Variants in FSTL4 observed in about 807,000 individuals in gnomAD.
FSTL4 encodes follistatin like 4, also known as follistatin-related protein 4.
Under a neutral mutation model 78.2 loss-of-function variants are expected in FSTL4, and 28 were observed. That is an observed-to-expected ratio of 0.36 (90% CI 0.27 to 0.49). The LOEUF is 0.49. Among genes scored for constraint, FSTL4 ranks in the 20% least tolerant of loss-of-function variants. FSTL4 has a pLI of 0.98. For synonymous variants in FSTL4, 422 were observed against 440.5 expected (o/e 0.96, Z 0.53); for missense variants, 922 against 1,084.9 (o/e 0.85, Z 2.11).
At chr5:133,637,698 C>T in the FSTL4 span, among the ~76,000 whole-genome samples, 1 of 152,012 alleles carries the variant, frequency 6.6e-6, no homozygotes, top group Non-Finnish European at 1.5e-5. Context: ...TGAATCTCTT[C>T]TCTGTCTCAC....
chr5:133,358,635 G>A (rs147762055), intron 4 of FSTL4, among the ~76,000 whole-genome samples: 161 of 131,798 alleles, frequency 1.2e-3, no homozygotes, highest in African/African-American at 4.7e-3. Flanking sequence ...TCACTCTGTC[G>A]CCCAGGCTGG....
chr5:133,483,356 C>T (rs1758067330), intron 3 of FSTL4, among the ~76,000 whole-genome samples: 1 of 152,194 alleles, frequency 6.6e-6, no homozygotes, highest in South Asian at 2.1e-4. Context: ...GGGCATGTGA[C>T]AGAAGGCCGG....
chr5:133,593,664 G>A (rs1220342576), intron 2 of FSTL4, among the ~76,000 whole-genome samples: 3 of 152,186 alleles, frequency 2.0e-5, no homozygotes, highest in African/African-American at 4.8e-5. Context: ...GGGACCAGGC[G>A]TGGGGAATCC....
At chr5:133,684,381 A>G in the FSTL4 span, among the ~76,000 whole-genome samples, 3 of 152,270 alleles carry the variant, frequency 2.0e-5, no homozygotes, top group Admixed American at 6.5e-5. Context: ...TATTGGTTGC[A>G]TGCCTCTAGG....
chr5:133,809,334 C>G, the FSTL4 span, among the ~76,000 whole-genome samples: 1 of 144,654 alleles, frequency 6.9e-6, no homozygotes, highest in Non-Finnish European at 1.5e-5. Flanking sequence ...CCACTGCACT[C>G]CAGCCTGGGT....
At chr5:133,362,726 G>C (rs1025350474) in intron 4 of FSTL4, among the ~76,000 whole-genome samples, 5 of 152,366 alleles carry the variant, frequency 3.3e-5, no homozygotes, top group Middle Eastern at 3.4e-3. Flanking sequence ...GCGAGGCTGA[G>C]CACAGGAGGT....
At chr5:133,286,561 C>T (rs2126864241) in intron 6 of FSTL4, among the ~76,000 whole-genome samples, 1 of 152,268 alleles carries the variant, frequency 6.6e-6, no homozygotes, top group Non-Finnish European at 1.5e-5. Flanking sequence ...CTTAAAAAGT[C>T]AACTCATGAC....
chr5:133,314,634 G>A (rs1264689729), intron 5 of FSTL4, among the ~76,000 whole-genome samples: 1 of 151,982 alleles, frequency 6.6e-6, no homozygotes, highest in East Asian at 1.9e-4. Flanking sequence ...GAGAGCAGGT[G>A]CATGCAAGTC....
chr5:133,636,138 G>A, the FSTL4 span, among the ~76,000 whole-genome samples: 24 of 152,264 alleles, frequency 1.6e-4, no homozygotes, highest in African/African-American at 2.6e-4. Flanking sequence ...TGGCTGTTTC[G>A]TAGAAGATAT....
the FSTL4 span, among the ~76,000 whole-genome samples, chr5:133,703,882 C>T: frequency 2.1e-4 from 32 of 152,338 alleles, no homozygotes; most frequent in South Asian, 1.7e-3. Flanking sequence ...CACTCCAGGA[C>T]ATGCAGCTAG....
chr5:133,437,783 A>G (rs1329216992), intron 3 of FSTL4, among the ~76,000 whole-genome samples: 2 of 150,310 alleles, frequency 1.3e-5, no homozygotes, highest in South Asian at 2.1e-4. Context: ...GAGCCACTGC[A>G]CTTGGCCAGT....
chr5:133,298,681 G>A (rs1258710249), intron 6 of FSTL4, among the ~76,000 whole-genome samples: 2 of 152,226 alleles, frequency 1.3e-5, no homozygotes, highest in African/African-American at 2.4e-5. Context: ...CTGAGAGCAG[G>A]AAACTCAGCC....
the FSTL4 span, among the ~76,000 whole-genome samples, chr5:133,786,918 A>G: frequency 6.6e-5 from 10 of 152,324 alleles, no homozygotes; most frequent in Admixed American, 2.0e-4. Flanking sequence ...TTCACAGATA[A>G]GAAAACTGAG....
In FSTL4 at chr5:133,322,317, A is replaced by G. The variant is rs190973761; in HGVS notation, c.410-5665T>C. Among the ~76,000 whole-genome samples the G allele has an allele frequency of 4.2e-4, 46 of 110,398 alleles. No homozygotes were observed. In the East Asian group the frequency reaches 0.012, roughly 29 times the overall value. 72.4% of individuals were successfully genotyped at this position (110,398 alleles called of 152,430 possible). Reference sequence around the variant, plus strand: ...CCCCCACACACACCCACACCCACACACCCACACACACCCACACGGGACTGC... The same window carrying G: ...CCCCCACACACACCCACACCCACACGCCCACACACACCCACACGGGACTGC... On this transcript the variant is annotated intron_variant, in intron 4 of 15. Coordinates refer to ENST00000265342, the MANE Select transcript of FSTL4 (RefSeq NM_015082.2).
At chr5:133,235,315 A>C (rs1231114143) in intron 7 of FSTL4, among the ~76,000 whole-genome samples, 1 of 152,084 alleles carries the variant, frequency 6.6e-6, no homozygotes, top group African/African-American at 2.4e-5. Flanking sequence ...CCCTGTCTCT[A>C]CTAAAAATAC....
the FSTL4 span, among the ~76,000 whole-genome samples, chr5:133,671,293 A>C: frequency 6.6e-6 from 1 of 152,072 alleles, no homozygotes. Flanking sequence ...ATCTATGTAA[A>C]TGCTTGTCAT....
upstream of FSTL4, among the ~76,000 whole-genome samples, chr5:133,612,861 CA>C (rs988284835): frequency 3.3e-5 from 5 of 152,196 alleles, no homozygotes; most frequent in Non-Finnish European, 5.9e-5. The surrounding 1 kb of genome is among the most constrained non-coding windows in gnomAD (Gnocchi z 6.2). Flanking sequence ...TCCAGGCGCA[CA>C]GGGGGTCTCT....
chr5:133,233,642 C>A (rs2126803870), intron 7 of FSTL4, 105 bp from the exon 8 acceptor site: 3 of 1,381,460 alleles, frequency 2.2e-6, no homozygotes, highest in Non-Finnish European at 1.0e-6. Flanking sequence ...GGAGAGAGTT[C>A]CTTTCTGCCT....
At chr5:133,780,863 A>G in the FSTL4 span, among the ~76,000 whole-genome samples, 1 of 152,184 alleles carries the variant, frequency 6.6e-6, no homozygotes, top group Non-Finnish European at 1.5e-5. Context: ...CAGAGGCTTC[A>G]GAGGATCTGT....
Sources: allele counts gnomAD v4.1 joint callset (sites outside exome capture counted in the v4.1 genomes callset), GRCh38; gene constraint gnomAD v4.1.1; non-coding constraint Gnocchi (gnomAD v3.1); transcripts MANE v1.5; gene names NCBI Gene and HGNC (gene_info 2026-07-23, HGNC 2026-07-21).